PEPD: variants seen among roughly 807,000 people sequenced by gnomAD.
PEPD encodes the protein xaa-Pro dipeptidase.
A neutral mutation model predicts 60.7 loss-of-function variants in PEPD; 53 were observed. The observed-to-expected ratio is 0.87, with a 90% CI of 0.70 to 1.10. PEPD has a LOEUF of 1.10. Ranked by LOEUF, PEPD falls within the 50% of genes least tolerant of loss-of-function variation. PEPD has a pLI of 0.00. For synonymous variants in PEPD, 267 were observed against 284.1 expected, an observed-to-expected ratio of 0.94 and a Z score of 0.60; for missense variants, 711 against 711.9, an observed-to-expected ratio of 1.00 and a Z score of 0.01.
At chr19:33,471,530 G>A (rs1020384822) in intron 7 of PEPD, among the ~76,000 whole-genome samples, 23 of 152,146 alleles carry the variant, frequency 1.5e-4, no homozygotes, top group African/African-American at 4.3e-4. Context: ...TGGGTCCACC[G>A]GCCCCTGGAG....
chr19:33,453,746 T>C (rs149841202), intron 9 of PEPD, among the ~76,000 whole-genome samples: 18 of 152,212 alleles, frequency 1.2e-4, no homozygotes, highest in Non-Finnish European at 1.8e-4. Context: ...TATCAATTCA[T>C]TGGATCCTCC....
At chr19:33,425,534 G>A (rs1012298484) in intron 9 of PEPD, among the ~76,000 whole-genome samples, 12 of 152,152 alleles carry the variant, frequency 7.9e-5, no homozygotes, top group African/African-American at 4.8e-5. Context: ...AGCACAATAC[G>A]AGTCCACGGG....
intron 12 of PEPD, among the ~76,000 whole-genome samples, chr19:33,400,230 C>T (rs983100179): frequency 3.3e-5 from 5 of 152,162 alleles, no homozygotes; most frequent in African/African-American, 7.2e-5. Flanking sequence ...ATGGCCAACA[C>T]GAGGTGATCT....
chr19:33,501,847 C>T (rs1970720535), intron 3 of PEPD, among the ~76,000 whole-genome samples: 1 of 152,134 alleles, frequency 6.6e-6, no homozygotes, highest in African/African-American at 2.4e-5. Flanking sequence ...GGATTATAGG[C>T]ATTAGGCACT....
chr19:33,518,321 AT>A (rs1971062775), intron 1 of PEPD, among the ~76,000 whole-genome samples: 1 of 152,180 alleles, frequency 6.6e-6, no homozygotes, highest in Non-Finnish European at 1.5e-5. Flanking sequence ...CCTGCCTCCC[AT>A]AGGCCCACCC....
At chr19:33,408,523 G>C (rs1439829238) in intron 11 of PEPD, among the ~76,000 whole-genome samples, 2 of 152,330 alleles carry the variant, frequency 1.3e-5, no homozygotes, top group South Asian at 2.1e-4. Context: ...TGGAGAGAGG[G>C]ATGGAAAAGG....
Position 33,482,001 on chromosome 19 carries a change from T to C in PEPD, c.504-3911A>G, listed in dbSNP as rs546108300. 9.2e-5 allele frequency among the ~76,000 whole-genome samples: 14 copies of C among 152,042 alleles called. 1 individual carries two copies. Among genetic ancestry groups the C allele is most frequent in the South Asian group, 4.2e-4 (2 of 4,798 alleles). On this transcript the variant is annotated intron_variant, in intron 6 of 14. Transcript: ENST00000244137. ...CACCACTGCACTCCAGCCTGGGAGATAGAGAGACTCCATCTCAAAACAAAC... is the reference window on the plus strand; with the variant it reads ...CACCACTGCACTCCAGCCTGGGAGACAGAGAGACTCCATCTCAAAACAAAC...
chr19:33,457,654 G>C (rs1969827792), intron 9 of PEPD, among the ~76,000 whole-genome samples: 1 of 152,236 alleles, frequency 6.6e-6, no homozygotes, highest in African/African-American at 2.4e-5. Context: ...GGGACTACAG[G>C]CGCCCGACAC....
chr19:33,521,768 C>A lies in PEPD; in HGVS notation c.-8G>T, dbSNP rs1225680133. On this transcript the variant is annotated 5_prime_UTR_variant, in exon 1 of 15. Coordinates refer to ENST00000244137, the MANE Select transcript of PEPD (RefSeq NM_000285.4). ...CCCGGTGGCCGCCGCCATGTTCGCC[C>A]GGCACCGGCGTCACGTGAAGTGCGG... The A allele has an allele frequency of 6.4e-7, 1 of 1,569,892 alleles. No individual in the cohort carries two copies.
chr19:33,388,079 G>A lies in PEPD; in HGVS notation c.1155C>T (p.Gly385=), dbSNP rs763399509. ...GGCCGGGCTCGTCGATGCGCTCCAC[G>A]CCCTGTGGGGAACAGAGGTGAGGGG... ...DVHDVGGYPE[G]VERIDEPGLR... is the part of the protein sequence containing the mutation. Residue 385 remains glycine (G), a splice_region_variant and synonymous_variant, in exon 14 of 15, where the codon GGC becomes GGT. Coordinates refer to ENST00000244137, the MANE Select transcript of PEPD (RefSeq NM_000285.4). 7 of 1,546,530 alleles carry A rather than the reference G, an allele frequency of 4.5e-6. No individual in the cohort carries two copies. Among genetic ancestry groups the A allele is most frequent in the Admixed American group, 3.9e-5 (2 of 51,102 alleles).
chr19:33,451,480 G>A (rs1969699546), intron 9 of PEPD, among the ~76,000 whole-genome samples: 1 of 152,048 alleles, frequency 6.6e-6, no homozygotes, highest in African/African-American at 2.4e-5. Context: ...GTGAGCAAAG[G>A]AAATTTCACC....
At chr19:33,486,227 C>A (rs1288226925) in intron 6 of PEPD, among the ~76,000 whole-genome samples, 1 of 150,776 alleles carries the variant, frequency 6.6e-6, no homozygotes, top group Admixed American at 6.6e-5. Context: ...GGGTTCCCCT[C>A]CCCATCTCAG....
intron 9 of PEPD, among the ~76,000 whole-genome samples, chr19:33,434,404 ATC>A (rs983582187): frequency 6.6e-6 from 1 of 152,064 alleles, no homozygotes; most frequent in Non-Finnish European, 1.5e-5. Flanking sequence ...TGGTTCTAGC[ATC>A]TCTGTTTTCT....
chr19:33,519,098 A>C (rs1222271753), intron 1 of PEPD, among the ~76,000 whole-genome samples: 6 of 152,150 alleles, frequency 3.9e-5, no homozygotes, highest in Non-Finnish European at 8.8e-5. Flanking sequence ...GGAAAGCTCA[A>C]AGCATTGCTT....
At chr19:33,500,004 G>A (rs1359621339) in intron 4 of PEPD, among the ~76,000 whole-genome samples, 1 of 152,254 alleles carries the variant, frequency 6.6e-6, no homozygotes, top group Non-Finnish European at 1.5e-5. Context: ...TTGGCCGCCA[G>A]AACTGGCTCC....
Position 33,479,872 on chromosome 19 carries a change from G to A in PEPD, c.504-1782C>T, listed in dbSNP as rs1400325078. Among the ~76,000 whole-genome samples the A allele has an allele frequency of 2.0e-5, 3 of 152,200 alleles. No homozygotes were observed. The East Asian group carries it at 5.8e-4, about 29-fold the overall frequency. On this transcript the variant is annotated intron_variant, in intron 6 of 14. Transcript: ENST00000244137. Reference sequence around the variant, plus strand: ...TGTGTTTGCTATTGTGAATAGTGCTGCAGCGAACATACACATGCATGTGTT... The same window carrying A: ...TGTGTTTGCTATTGTGAATAGTGCTACAGCGAACATACACATGCATGTGTT...
At chr19:33,483,607 C>G (rs1970348577) in intron 6 of PEPD, among the ~76,000 whole-genome samples, 1 of 152,130 alleles carries the variant, frequency 6.6e-6, no homozygotes, top group African/African-American at 2.4e-5. Context: ...CCCAGGAGTT[C>G]AAGACCAGCC....
At chr19:33,399,587 G>T (rs1968441593) in intron 12 of PEPD, among the ~76,000 whole-genome samples, 1 of 152,108 alleles carries the variant, frequency 6.6e-6, no homozygotes, top group Non-Finnish European at 1.5e-5. Flanking sequence ...ATCTGCAAAG[G>T]CCTGCCCACA....
At chr19:33,473,392 C>T (rs911026586) in intron 7 of PEPD, among the ~76,000 whole-genome samples, 2 of 152,084 alleles carry the variant, frequency 1.3e-5, no homozygotes, top group African/African-American at 4.8e-5. Context: ...TACCTGTGAA[C>T]CAACCACAGC....
Sources: allele counts gnomAD v4.1 joint callset (sites outside exome capture counted in the v4.1 genomes callset), GRCh38; gene constraint gnomAD v4.1.1; transcripts MANE v1.5; gene names NCBI Gene and HGNC (gene_info 2026-07-23, HGNC 2026-07-21).